Variants in MARCHF1 observed in about 807,000 individuals in gnomAD.
The protein encoded by MARCHF1 is E3 ubiquitin-protein ligase MARCHF1.
A neutral mutation model predicts 54.2 loss-of-function variants in MARCHF1; 40 were observed. The observed-to-expected ratio is 0.74, with a 90% CI of 0.57 to 0.96. The LOEUF (loss-of-function observed/expected upper bound fraction) is 0.96. Ranked by LOEUF, MARCHF1 falls within the 40% of genes least tolerant of loss-of-function variation. The pLI, the probability that MARCHF1 is intolerant of heterozygous loss-of-function variation, is 0.00. For missense variants in MARCHF1, 586 were observed against 656.5 expected (o/e 0.89, Z 1.17); for synonymous variants, 236 against 236.3 (o/e 1.00, Z 0.01).
At chr4:163,676,737 G>A (rs1743932783) in intron 5 of MARCHF1, among the ~76,000 whole-genome samples, 1 of 151,972 alleles carries the variant, frequency 6.6e-6, no homozygotes, top group African/African-American at 2.4e-5. Flanking sequence ...TAGGTGACAA[G>A]GTGAGACCCT....
rs917727014 is a variant in MARCHF1, at chr4:163,613,063, T to A, written c.243-25A>T. 1.4e-5 allele frequency: 21 copies of A among 1,449,370 alleles called. No homozygotes were observed. In the African/African-American group the frequency reaches 2.2e-4, roughly 15 times the overall value. 89.8% of individuals were successfully genotyped at this position (1,449,370 alleles called of 1,614,324 possible). On this transcript the variant is annotated intron_variant, in intron 6 of 9. Coordinates refer to ENST00000514618, the MANE Select transcript of MARCHF1 (RefSeq NM_001394959.1). ...TCTAGACAGAGCAGCAGGCAAAGGA[T>A]GGGAAATGGGAATGGAGAGGAAAGC...
intron 4 of MARCHF1, among the ~76,000 whole-genome samples, chr4:163,747,553 T>C (rs925120583): frequency 3.3e-5 from 5 of 152,170 alleles, no homozygotes; most frequent in Non-Finnish European, 5.9e-5. Flanking sequence ...TCAAAATGTT[T>C]AATAACATAA....
At chr4:163,815,684 A>G (rs190930356) in intron 4 of MARCHF1, among the ~76,000 whole-genome samples, 2 of 152,292 alleles carry the variant, frequency 1.3e-5, no homozygotes, top group East Asian at 3.9e-4. Context: ...AAAGGTGTCA[A>G]AAGATTTAGG....
At chr4:164,015,500 T>C (rs958038711) in intron 2 of MARCHF1, among the ~76,000 whole-genome samples, 4 of 152,024 alleles carry the variant, frequency 2.6e-5, no homozygotes, top group Admixed American at 2.6e-4. Flanking sequence ...AATAAAGCAA[T>C]TAACAAACTG....
At chr4:163,612,249 G>A in intron 7 of MARCHF1, 22 bp downstream of exon 7, 1 of 1,462,152 alleles carries the variant, frequency 6.8e-7, no homozygotes, top group Non-Finnish European at 9.0e-7. Flanking sequence ...ATGACATCAA[G>A]CCTTTCTCTA....
At chr4:163,932,349 T>C (rs1751695742) in intron 3 of MARCHF1, among the ~76,000 whole-genome samples, 1 of 152,246 alleles carries the variant, frequency 6.6e-6, no homozygotes, top group Non-Finnish European at 1.5e-5. Flanking sequence ...GATAGCATTT[T>C]ACCCACAGTA....
At chr4:164,031,173 C>A (rs1222262576) in intron 2 of MARCHF1, among the ~76,000 whole-genome samples, 1 of 152,044 alleles carries the variant, frequency 6.6e-6, no homozygotes, top group Non-Finnish European at 1.5e-5. Flanking sequence ...ATGCTTCAAG[C>A]TTTTGGTCAT....
At chr4:164,055,866 AG>A (rs1176423787) in intron 2 of MARCHF1, among the ~76,000 whole-genome samples, 1 of 152,150 alleles carries the variant, frequency 6.6e-6, no homozygotes, top group African/African-American at 2.4e-5. Context: ...AGATTTTATT[AG>A]ATTATTGCTT....
At chr4:163,670,255 A>T (rs1360583258) in intron 5 of MARCHF1, among the ~76,000 whole-genome samples, 2 of 152,014 alleles carry the variant, frequency 1.3e-5, no homozygotes, top group African/African-American at 4.8e-5. Flanking sequence ...AGAAACCAGG[A>T]AGAAGGGGCC....
At chr4:163,700,381 G>A (rs1744769756) in intron 5 of MARCHF1, among the ~76,000 whole-genome samples, 1 of 151,546 alleles carries the variant, frequency 6.6e-6, no homozygotes, top group Non-Finnish European at 1.5e-5. Context: ...GGTGGGCACC[G>A]GTAATCCCAG....
chr4:164,348,588 T>C (rs749913849), intron 1 of MARCHF1, among the ~76,000 whole-genome samples: 17 of 152,122 alleles, frequency 1.1e-4, no homozygotes, highest in Non-Finnish European at 1.8e-4. Flanking sequence ...TAGAGACAGA[T>C]CTTGAGAAAC....
chr4:163,632,885 T>C (rs1009730865), intron 5 of MARCHF1, among the ~76,000 whole-genome samples: 33 of 152,216 alleles, frequency 2.2e-4, no homozygotes, highest in South Asian at 8.3e-4. Context: ...TCTCCCAGTA[T>C]GCAGCTGGAG....
chr4:164,080,257 A>G (rs1755067791), intron 2 of MARCHF1, among the ~76,000 whole-genome samples: 1 of 152,230 alleles, frequency 6.6e-6, no homozygotes, highest in Admixed American at 6.5e-5. Context: ...AATTGACTAC[A>G]GTCTTATGGC....
At chr4:164,377,237 A>C (rs1289047239) in intron 1 of MARCHF1, among the ~76,000 whole-genome samples, 1 of 152,238 alleles carries the variant, frequency 6.6e-6, no homozygotes, top group Non-Finnish European at 1.5e-5. Context: ...CCATAAAAGC[A>C]CAGTTAATTT....
intron 3 of MARCHF1, among the ~76,000 whole-genome samples, chr4:163,983,881 TG>T (rs1170592617): frequency 5.9e-5 from 9 of 152,154 alleles, no homozygotes; most frequent in African/African-American, 2.2e-4. Flanking sequence ...CCAGAGTAGC[TG>T]AATACTAATC....
intron 7 of MARCHF1, among the ~76,000 whole-genome samples, chr4:163,605,439 C>A (rs575775894): frequency 6.6e-6 from 1 of 152,136 alleles, no homozygotes; most frequent in African/African-American, 2.4e-5. Flanking sequence ...GAAATAGGAA[C>A]GCTTTTACAC....
At chr4:163,640,417 T>TTG (rs1742512018) in intron 5 of MARCHF1, among the ~76,000 whole-genome samples, 1 of 152,094 alleles carries the variant, frequency 6.6e-6, no homozygotes, top group Admixed American at 6.6e-5. Flanking sequence ...ATCAAAAATG[T>TTG]GAGGTGGCAA....
At chr4:163,830,321 A>C (rs1748982553) in intron 4 of MARCHF1, among the ~76,000 whole-genome samples, 1 of 150,888 alleles carries the variant, frequency 6.6e-6, no homozygotes, top group Non-Finnish European at 1.5e-5. Context: ...CATATATTTT[A>C]TAAATATATA....
intron 1 of MARCHF1, among the ~76,000 whole-genome samples, chr4:164,367,138 A>G (rs1730901617): frequency 6.6e-6 from 1 of 152,108 alleles, no homozygotes; most frequent in Admixed American, 6.6e-5. Context: ...AAGTATAGTC[A>G]TATTTCAAAT....
Sources: gnomAD v4.1 joint callset for allele counts (sites outside exome capture counted in the v4.1 genomes callset) on GRCh38, gnomAD v4.1.1 for gene constraint, MANE v1.5 for transcripts, NCBI Gene and HGNC (gene_info 2026-07-23, HGNC 2026-07-21) for gene names.